The following CCSER1 variants were observed in gnomAD, a reference collection of about 807,000 sequenced individuals.
CCSER1 encodes coiled-coil serine rich protein 1, also known as serine-rich coiled-coil domain-containing protein 1.
In CCSER1, 41 loss-of-function variants were observed where a neutral mutation model predicts 82.0. The ratio of observed to expected loss-of-function variants is 0.50; its 90% CI spans 0.39 to 0.65. CCSER1 has a LOEUF of 0.65. Ranked by LOEUF, CCSER1 falls within the 30% of genes least tolerant of loss-of-function variation. CCSER1 has a pLI of 0.00. For synonymous variants in CCSER1, 414 were observed against 383.9 expected, an observed-to-expected ratio of 1.08 and a Z score of -0.92; for missense variants, 1,119 against 1,064.2, an observed-to-expected ratio of 1.05 and a Z score of -0.72.
intron 10 of CCSER1, among the ~76,000 whole-genome samples, chr4:91,148,860 A>G (rs904107882): frequency 2.0e-5 from 3 of 152,164 alleles, no homozygotes; most frequent in Non-Finnish European, 2.9e-5. Flanking sequence ...CATATGTGCC[A>G]CATTTTCTTA....
intron 10 of CCSER1, among the ~76,000 whole-genome samples, chr4:91,290,228 G>A (rs1305634839): frequency 6.6e-6 from 1 of 151,908 alleles, no homozygotes; most frequent in Admixed American, 6.6e-5. Flanking sequence ...GTTAAGGGAA[G>A]AAATTAACAC....
At chr4:90,637,639 A>G (rs2148965101) in intron 6 of CCSER1, among the ~76,000 whole-genome samples, 1 of 152,260 alleles carries the variant, frequency 6.6e-6, no homozygotes, top group African/African-American at 2.4e-5. Flanking sequence ...AAGTGTGTAT[A>G]GCCGTAGATG....
At chr4:90,145,966 A>T (rs986141436) in intron 1 of CCSER1, among the ~76,000 whole-genome samples, 13 of 152,202 alleles carry the variant, frequency 8.5e-5, no homozygotes, top group African/African-American at 3.1e-4. Flanking sequence ...ATAATCTCTG[A>T]AGCACTATTA....
chr4:90,601,605 T>C (rs761089646), intron 5 of CCSER1, among the ~76,000 whole-genome samples: 1 of 151,980 alleles, frequency 6.6e-6, no homozygotes, highest in Non-Finnish European at 1.5e-5. Context: ...CATTTGCTCT[T>C]TTTGTTTACA....
intron 9 of CCSER1, among the ~76,000 whole-genome samples, chr4:91,025,179 G>T (rs1030042511): frequency 6.6e-6 from 1 of 152,042 alleles, no homozygotes; most frequent in Admixed American, 6.6e-5. Context: ...GAATATATTT[G>T]TCTCTTGTAA....
intron 10 of CCSER1, among the ~76,000 whole-genome samples, chr4:91,373,280 C>T (rs1313504630): frequency 1.3e-5 from 2 of 152,086 alleles, no homozygotes; most frequent in African/African-American, 2.4e-5. Context: ...TTCTTTGTTG[C>T]ACTTTGCAGA....
At chr4:90,504,576 C>T (rs749271010) in intron 5 of CCSER1, among the ~76,000 whole-genome samples, 25 of 152,140 alleles carry the variant, frequency 1.6e-4, no homozygotes, top group Non-Finnish European at 3.4e-4. Flanking sequence ...TCGGGACTGG[C>T]CATTGTCTCC....
At chr4:90,832,153 A>G (rs146030869) in intron 8 of CCSER1, among the ~76,000 whole-genome samples, 1 of 152,136 alleles carries the variant, frequency 6.6e-6, no homozygotes, top group African/African-American at 2.4e-5. Flanking sequence ...TCATTTGTCT[A>G]TTAAAACAAG....
chr4:90,976,499 TA>T (rs551312141), intron 9 of CCSER1, among the ~76,000 whole-genome samples: 27 of 150,814 alleles, frequency 1.8e-4, no homozygotes, highest in African/African-American at 4.9e-4. Flanking sequence ...GAATTAAGAT[TA>T]AAAAAAATAG....
intron 10 of CCSER1, among the ~76,000 whole-genome samples, chr4:91,184,326 A>C (rs1734326533): frequency 6.6e-6 from 1 of 152,246 alleles, no homozygotes; most frequent in African/African-American, 2.4e-5. Flanking sequence ...CAGGAATTGT[A>C]AATGCAAACC....
At chr4:90,753,709 T>G (rs1749073068) in intron 7 of CCSER1, among the ~76,000 whole-genome samples, 1 of 152,120 alleles carries the variant, frequency 6.6e-6, no homozygotes, top group Admixed American at 6.6e-5. Flanking sequence ...AATTGGATTG[T>G]GTCATTCCCT....
chr4:91,088,227 T>A (rs974305202), intron 10 of CCSER1, among the ~76,000 whole-genome samples: 1 of 152,160 alleles, frequency 6.6e-6, no homozygotes, highest in African/African-American at 2.4e-5. Context: ...TTTATTATGA[T>A]GAATTAATTT....
chr4:90,565,163 G>A (rs1033677783), intron 5 of CCSER1, among the ~76,000 whole-genome samples: 3 of 151,522 alleles, frequency 2.0e-5, no homozygotes, highest in Admixed American at 6.6e-5. Context: ...TCATGAACAT[G>A]TGAGATCTTT....
chr4:91,459,349 G>GC (rs1756372341), intron 10 of CCSER1, among the ~76,000 whole-genome samples: 1 of 152,018 alleles, frequency 6.6e-6, no homozygotes, highest in Admixed American at 6.6e-5. Context: ...TTGTATACAT[G>GC]CATATATATA....
At chr4:90,674,598 TA>T (rs1315090070) in intron 6 of CCSER1, among the ~76,000 whole-genome samples, 1 of 151,890 alleles carries the variant, frequency 6.6e-6, no homozygotes, top group Non-Finnish European at 1.5e-5. Context: ...AATTGACCTT[TA>T]AAAATATATA....
chr4:90,743,028 T>A (rs1746810143), intron 7 of CCSER1, among the ~76,000 whole-genome samples: 1 of 152,232 alleles, frequency 6.6e-6, no homozygotes, highest in Non-Finnish European at 1.5e-5. Context: ...TATTTATTGT[T>A]ATTTCCTTAG....
chr4:91,514,997 A>G (rs890820775), intron 10 of CCSER1, among the ~76,000 whole-genome samples: 2 of 152,184 alleles, frequency 1.3e-5, no homozygotes, highest in Admixed American at 6.6e-5. Flanking sequence ...GGTTAAGCTT[A>G]TCAAAAAACA....
At chr4:90,208,602 T>A (rs1396864747) in intron 1 of CCSER1, among the ~76,000 whole-genome samples, 1 of 151,868 alleles carries the variant, frequency 6.6e-6, no homozygotes, top group Non-Finnish European at 1.5e-5. Flanking sequence ...GGCCACCCAG[T>A]TTTATGCTTG....
intron 5 of CCSER1, among the ~76,000 whole-genome samples, chr4:90,469,225 G>C (rs1764032777): frequency 6.6e-6 from 1 of 151,874 alleles, no homozygotes; most frequent in Non-Finnish European, 1.5e-5. Flanking sequence ...CTTTTTACTA[G>C]ATAATAAGCT....
Sources: allele counts gnomAD v4.1 joint callset (sites outside exome capture counted in the v4.1 genomes callset), GRCh38; gene constraint gnomAD v4.1.1; transcripts MANE v1.5; gene names NCBI Gene and HGNC (gene_info 2026-07-23, HGNC 2026-07-21).